Variants in KIRREL3 observed in about 807,000 individuals in gnomAD.
KIRREL3 encodes the protein kin of IRRE-like protein 3.
In KIRREL3, 36 loss-of-function variants were observed where a neutral mutation model predicts 89.7. That is an observed-to-expected ratio of 0.40 (90% CI 0.31 to 0.53). The LOEUF is 0.53. Among genes scored for constraint, KIRREL3 ranks in the 20% least tolerant of loss-of-function variants. The probability of loss-of-function intolerance (pLI) is 0.49; values close to 1 mark genes in which losing one functional copy is unlikely to be tolerated. For missense variants in KIRREL3, 864 were observed against 1,056.6 expected (o/e 0.82, Z 2.53); for synonymous variants, 445 against 441.4 (o/e 1.01, Z -0.10).
rs1441735664 is a variant in KIRREL3 at position 126,564,423 on chromosome 11, C to T, written c.56-1511G>A. 6.6e-6 allele frequency among the ~76,000 whole-genome samples: 1 copy of T among 152,112 alleles called. No individual in the cohort carries two copies. The highest frequency in any genetic ancestry group is 2.4e-5 in the African/African-American group (1 of 41,432). On this transcript the variant is annotated intron_variant, in intron 1 of 16. Transcript: ENST00000525144. This position sits in a 1 kb window ranked among gnomAD's most constrained non-coding sequence, Gnocchi z 7.4. ...AACATGGCAGGAGGTGGCAGAACGCCACGGCCCAGGGAGGTCCCTGGCTTT... is the reference window on the plus strand; with the variant it reads ...AACATGGCAGGAGGTGGCAGAACGCTACGGCCCAGGGAGGTCCCTGGCTTT...
Position 126,776,260 on chromosome 11 carries a change from G to A in KIRREL3, c.56-213348C>T, listed in dbSNP as rs1480114550. 6.6e-6 allele frequency among the ~76,000 whole-genome samples: 1 copy of A among 152,194 alleles called. No homozygotes were observed. The highest frequency in any genetic ancestry group is 1.5e-5 in the Non-Finnish European group (1 of 68,040). ...CCATTCATGCTCTTTGAACAGGGAG[G>A]AGCTGGAGGACTTGGAAGGGAATGT... On this transcript the variant is annotated intron_variant, in intron 1 of 16. Coordinates refer to ENST00000525144, the MANE Select transcript of KIRREL3 (RefSeq NM_032531.4). This position sits in a 1 kb window ranked among gnomAD's most constrained non-coding sequence, Gnocchi z 4.7.
In KIRREL3 at chr11:126,754,437, C is replaced by T. The variant is rs1949428558; in HGVS notation, c.56-191525G>A. ...CAGACCGTGTAACTAGGCTGGATGC[C>T]TGGTTGAAGGGCTTTCTTTTGATAA... is the stretch of plus-strand genomic sequence containing the variant. On this transcript the variant is annotated intron_variant, in intron 1 of 16. Coordinates refer to ENST00000525144, the MANE Select transcript of KIRREL3 (RefSeq NM_032531.4). The surrounding 1 kb of genome is among the most constrained non-coding windows in gnomAD (Gnocchi z 5.1). 6.6e-6 allele frequency among the ~76,000 whole-genome samples: 1 copy of T among 152,130 alleles called. No individual in the cohort carries two copies. Among genetic ancestry groups the T allele is most frequent in the South Asian group, 2.1e-4 (1 of 4,810 alleles).
chr11:126,581,038 T>C (rs929426698), intron 1 of KIRREL3, among the ~76,000 whole-genome samples: 1 of 152,098 alleles, frequency 6.6e-6, no homozygotes, highest in East Asian at 1.9e-4. Flanking sequence ...TCTCAAACCA[T>C]GCCTGCAATG....
chr11:126,929,053 C>A (rs982081837), intron 1 of KIRREL3, among the ~76,000 whole-genome samples: 12 of 152,056 alleles, frequency 7.9e-5, no homozygotes, highest in Non-Finnish European at 1.5e-4. Flanking sequence ...TGTACATACC[C>A]CTTAGGAGCT....
In KIRREL3 at chr11:126,615,235, T is replaced by C. The variant is rs1022250721; in HGVS notation, c.56-52323A>G. Reference sequence around the variant, plus strand: ...CAGTCTTCTCTACAATGAGACGACATCTTTCTCATCTCTGTATTCTCAGCA... The same window carrying C: ...CAGTCTTCTCTACAATGAGACGACACCTTTCTCATCTCTGTATTCTCAGCA... On this transcript the variant is annotated intron_variant, in intron 1 of 16. Transcript: ENST00000525144. The surrounding 1 kb of genome is among the most constrained non-coding windows in gnomAD (Gnocchi z 5.4). Among the ~76,000 whole-genome samples, 4 of 152,200 alleles carry C rather than the reference T, an allele frequency of 2.6e-5. No individual in the cohort carries two copies. The highest frequency in any genetic ancestry group is 4.4e-5 in the Non-Finnish European group (3 of 68,040).
In KIRREL3 at chr11:126,652,951, T is replaced by C. The variant is rs1944963647; in HGVS notation, c.56-90039A>G. 1 of 152,078 alleles carries C rather than the reference T, an allele frequency of 6.6e-6. No individual in the cohort carries two copies. The highest frequency in any genetic ancestry group is 6.5e-5 in the Admixed American group (1 of 15,272). The allele number at this position is 152,078 out of a possible 1,614,324, so 9.4% of individuals were successfully genotyped here. Reference sequence around the variant, plus strand: ...TTGGGTGAGACATCAGTTTAATTTATATTTGATTAAAAAAGTCATTCATTC... The same window carrying C: ...TTGGGTGAGACATCAGTTTAATTTACATTTGATTAAAAAAGTCATTCATTC... On this transcript the variant is annotated intron_variant, in intron 1 of 16. Transcript: ENST00000525144. This position sits in a 1 kb window ranked among gnomAD's most constrained non-coding sequence, Gnocchi z 4.9.
At chr11:126,466,864 A>G (rs565807820) in intron 5 of KIRREL3, among the ~76,000 whole-genome samples, 18 of 152,270 alleles carry the variant, frequency 1.2e-4, no homozygotes, top group African/African-American at 4.3e-4. Flanking sequence ...TCCAGAAGGA[A>G]GTGAGTTATT....
In KIRREL3 at chr11:126,991,095, G is replaced by A. The variant is rs1306905572; in HGVS notation, c.55+9360C>T. ...GACATGCATTAAAGAACAGAAGGACGCGATGGTTTCCTGTTGAAGCTGAGC... is the reference window on the plus strand; with the variant it reads ...GACATGCATTAAAGAACAGAAGGACACGATGGTTTCCTGTTGAAGCTGAGC... On this transcript the variant is annotated intron_variant, in intron 1 of 16. Coordinates refer to ENST00000525144, the MANE Select transcript of KIRREL3 (RefSeq NM_032531.4). This position sits in a 1 kb window ranked among gnomAD's most constrained non-coding sequence, Gnocchi z 5.8. Among the ~76,000 whole-genome samples the A allele has an allele frequency of 1.3e-5, 2 of 152,206 alleles. No individual in the cohort carries two copies. The highest frequency in any genetic ancestry group is 3.9e-4 in the East Asian group (2 of 5,192).
At position 126,607,452 on chromosome 11, in the gene KIRREL3, C is replaced by A. The variant is rs1942937215; in HGVS notation, c.56-44540G>T. Among the ~76,000 whole-genome samples the A allele has an allele frequency of 1.3e-5, 2 of 152,122 alleles. No homozygotes were observed. Among genetic ancestry groups the A allele is most frequent in the South Asian group, 4.1e-4 (2 of 4,822 alleles). On this transcript the variant is annotated intron_variant, in intron 1 of 16. Transcript: ENST00000525144. The surrounding 1 kb of genome is among the most constrained non-coding windows in gnomAD (Gnocchi z 6.6). ...TGGCTCCGAGCTGACTCTCGGTGAC[C>A]ATGACCACCTCCTTCCACTGGAGGG... is the stretch of plus-strand genomic sequence containing the variant.
At chr11:126,586,141 T>G (rs1941842094) in intron 1 of KIRREL3, among the ~76,000 whole-genome samples, 1 of 152,140 alleles carries the variant, frequency 6.6e-6, no homozygotes, top group Non-Finnish European at 1.5e-5. Context: ...AGGTGAGGAA[T>G]GAGCTCAGAT....
chr11:126,445,846 G>A (rs375405897), intron 9 of KIRREL3, among the ~76,000 whole-genome samples: 4 of 152,042 alleles, frequency 2.6e-5, no homozygotes, highest in Admixed American at 6.6e-5. Flanking sequence ...GAATATATAC[G>A]TCTTAAAAGA....
Position 126,551,481 on chromosome 11 carries a change from T to C in KIRREL3, c.133+11354A>G, listed in dbSNP as rs572263785. Among the ~76,000 whole-genome samples the C allele has an allele frequency of 1.7e-4, 26 of 152,182 alleles. No homozygotes were observed. Among genetic ancestry groups the C allele is most frequent in the African/African-American group, 6.3e-4 (26 of 41,532 alleles). The stretch of plus-strand genomic sequence containing the variant: ...CCGTGGATGAAATCCCCCCACCCCA[T>C]GCGCCTCTATATAGAAACATGTCTA... On this transcript the variant is annotated intron_variant, in intron 2 of 16. Transcript: ENST00000525144. This position sits in a 1 kb window ranked among gnomAD's most constrained non-coding sequence, Gnocchi z 4.9.
At position 126,612,785 on chromosome 11, in the gene KIRREL3, G is replaced by A. The variant is rs977256935; in HGVS notation, c.56-49873C>T. 1.3e-5 allele frequency among the ~76,000 whole-genome samples: 2 copies of A among 152,152 alleles called. No homozygotes were observed. Among genetic ancestry groups the A allele is most frequent in the African/African-American group, 4.8e-5 (2 of 41,416 alleles). ...TTTCACGTAACAAAATGCTTTCAAG[G>A]TTCCATCCCAGTTGCCACATGCATC... On this transcript the variant is annotated intron_variant, in intron 1 of 16. Coordinates refer to ENST00000525144, the MANE Select transcript of KIRREL3 (RefSeq NM_032531.4). This position sits in a 1 kb window ranked among gnomAD's most constrained non-coding sequence, Gnocchi z 4.5.
chr11:126,529,138 G>A (rs1317411), intron 2 of KIRREL3, among the ~76,000 whole-genome samples: 54,686 of 151,984 alleles, frequency 0.36, 10,126 homozygotes, highest in Admixed American at 0.4. Flanking sequence ...GTCTCTCCCC[G>A]TCCTGTGTCC....
At chr11:126,632,788 AC>A (rs1204725811) in intron 1 of KIRREL3, among the ~76,000 whole-genome samples, 2 of 3,934 alleles carry the variant, frequency 5.1e-4, no homozygotes, top group Non-Finnish European at 1.2e-3. Context: ...TGGAGTCTAA[AC>A]TTAAAAAAAA....
rs1208569657 is a variant in KIRREL3 at position 126,427,126 on chromosome 11, G to T, written c.1807-1402C>A. On this transcript the variant is annotated intron_variant, in intron 15 of 16. Coordinates refer to ENST00000525144, the MANE Select transcript of KIRREL3 (RefSeq NM_032531.4). This position sits in a 1 kb window ranked among gnomAD's most constrained non-coding sequence, Gnocchi z 5.3. ...AAACAGAATGTTTGCCGATGGGAGA[G>T]AATTCAAGGTCCCGTTTGGGATGAA... 6.6e-6 allele frequency among the ~76,000 whole-genome samples: 1 copy of T among 152,198 alleles called. No individual in the cohort carries two copies. The highest frequency in any genetic ancestry group is 1.5e-5 in the Non-Finnish European group (1 of 68,048).
chr11:126,776,152 C>T lies in KIRREL3; in HGVS notation c.56-213240G>A, dbSNP rs764772787. Among the ~76,000 whole-genome samples, 1 of 152,194 alleles carries T rather than the reference C, an allele frequency of 6.6e-6. No homozygotes were observed. Among genetic ancestry groups the T allele is most frequent in the Non-Finnish European group, 1.5e-5 (1 of 68,022 alleles). Reference sequence around the variant, plus strand: ...TGCCAGCTCTGCCGGGAGCCCTGACCTCTAGAAGCTGGTCCAGGCTGGTTG... The same window carrying T: ...TGCCAGCTCTGCCGGGAGCCCTGACTTCTAGAAGCTGGTCCAGGCTGGTTG... On this transcript the variant is annotated intron_variant, in intron 1 of 16. Coordinates refer to ENST00000525144, the MANE Select transcript of KIRREL3 (RefSeq NM_032531.4). The surrounding 1 kb of genome is among the most constrained non-coding windows in gnomAD (Gnocchi z 4.7).
Position 126,520,632 on chromosome 11 carries a change from CG to C in KIRREL3, c.433+682del, listed in dbSNP as rs1565519355. Among the ~76,000 whole-genome samples the C allele has an allele frequency of 2.0e-5, 3 of 152,124 alleles. No individual in the cohort carries two copies. The highest frequency in any genetic ancestry group is 7.2e-5 in the African/African-American group (3 of 41,430). On this transcript the variant is annotated intron_variant, in intron 4 of 16. Coordinates refer to ENST00000525144, the MANE Select transcript of KIRREL3 (RefSeq NM_032531.4). The surrounding 1 kb of genome is among the most constrained non-coding windows in gnomAD (Gnocchi z 4.9). Reference sequence around the variant, plus strand: ...GACTGAACTCTAAATCAGAACTAGGCGGTTTAAGAGGTCACCGAGCCCATTC... The same window carrying C: ...GACTGAACTCTAAATCAGAACTAGGCGTTTAAGAGGTCACCGAGCCCATTC...
rs1207519331 is a variant in KIRREL3 at position 126,953,568 on chromosome 11, T to G, written c.55+46887A>C. ...AGAGAAGAGCCTGCAAAAAAGATCA[T>G]GGATGCAAATGTGGATCAAATACAC... On this transcript the variant is annotated intron_variant, in intron 1 of 16. Transcript: ENST00000525144. This position sits in a 1 kb window ranked among gnomAD's most constrained non-coding sequence, Gnocchi z 5.2. Among the ~76,000 whole-genome samples the G allele has an allele frequency of 1.3e-5, 2 of 151,770 alleles. No individual in the cohort carries two copies. The highest frequency in any genetic ancestry group is 3.9e-4 in the East Asian group (2 of 5,174).
Sources: allele counts gnomAD v4.1 joint callset (sites outside exome capture counted in the v4.1 genomes callset), GRCh38; gene constraint gnomAD v4.1.1; non-coding constraint Gnocchi (gnomAD v3.1); transcripts MANE v1.5; gene names NCBI Gene and HGNC (gene_info 2026-07-23, HGNC 2026-07-21).